The following SDK1 variants were observed in gnomAD, a reference collection of about 807,000 sequenced individuals.
The protein encoded by SDK1 is sidekick cell adhesion molecule 1.
SDK1 carries 157 observed loss-of-function variants against 245.5 expected under a neutral mutation model. That is an observed-to-expected ratio of 0.64 (90% confidence interval 0.56 to 0.73). The LOEUF is 0.73. Among genes scored for constraint, SDK1 ranks in the 30% least tolerant of loss-of-function variants. The pLI is 0.00. For missense variants in SDK1, 3,583 were observed against 3,002.3 expected (o/e 1.19, Z -4.52); for synonymous variants, 1,647 against 1,278.5 (o/e 1.29, Z -6.15).
Position 4,237,655 on chromosome 7 carries a change from G to A in SDK1, c.6001G>A (p.Glu2001Lys). Residue 2001 changes from glutamate (E) to lysine (K), a missense_variant, in exon 42 of 45, where the codon GAA (glutamate) becomes AAA (lysine). Coordinates refer to ENST00000404826, the MANE Select transcript of SDK1 (RefSeq NM_152744.4). Reference protein sequence around the residue: ...NPSTAVSAQVEAPFYEEWWFL... With the variant: ...NPSTAVSAQVKAPFYEEWWFL... ...CCGTGTCTTTTCCACAGCTCAAGTG[G>A]AAGCCCCATTCTACGAGGAGTGGTG... The A allele has an allele frequency of 6.2e-7, 1 of 1,614,166 alleles. No individual in the cohort carries two copies.
rs78883746 is a variant in SDK1 at position 3,789,691 on chromosome 7, G to T, written c.714-31759G>T. ...TCTCTTCCTCCTGAAACCCCATGAAGATGATAGAAAGACAAGAAGATCAAG... is the reference window on the plus strand; with the variant it reads ...TCTCTTCCTCCTGAAACCCCATGAATATGATAGAAAGACAAGAAGATCAAG... On this transcript the variant is annotated intron_variant, in intron 4 of 44. Transcript: ENST00000404826. 3.0e-3 allele frequency among the ~76,000 whole-genome samples: 454 copies of T among 152,274 alleles called. 3 individuals are homozygous for T. Among genetic ancestry groups the T allele is most frequent in the African/African-American group, 0.01 (433 of 41,552 alleles).
intron 4 of SDK1, among the ~76,000 whole-genome samples, chr7:3,650,485 C>T (rs1377131848): frequency 3.3e-5 from 5 of 152,098 alleles, no homozygotes; most frequent in Admixed American, 1.3e-4. Flanking sequence ...TTTAATTAAA[C>T]GTAGTATCTG....
chr7:3,796,512 GCC>G (rs1778964155), intron 4 of SDK1, among the ~76,000 whole-genome samples: 1 of 151,756 alleles, frequency 6.6e-6, no homozygotes, highest in African/African-American at 2.4e-5. Flanking sequence ...CATCAGTAAT[GCC>G]CCTCTCCCCC....
At chr7:3,460,964 C>G (rs1780815105) in intron 1 of SDK1, among the ~76,000 whole-genome samples, 1 of 152,126 alleles carries the variant, frequency 6.6e-6, no homozygotes, top group Non-Finnish European at 1.5e-5. Context: ...CATGAACATT[C>G]AAGAATAAAT....
rs535801308 is a variant in SDK1, at chr7:4,061,661, T to A, written c.2912-6177T>A. On this transcript the variant is annotated intron_variant, in intron 19 of 44. Transcript: ENST00000404826. ...ATACCCAAATGACTATAAATCATGC[T>A]GCTATAAAGACATATGCACACGTAT... Among the ~76,000 whole-genome samples, 15 of 152,274 alleles carry A rather than the reference T, an allele frequency of 9.9e-5. 1 individual carries two copies. The highest frequency in any genetic ancestry group is 1.3e-4 in the Admixed American group (2 of 15,292).
intron 1 of SDK1, among the ~76,000 whole-genome samples, chr7:3,453,824 G>C (rs1287287599): frequency 2.6e-5 from 4 of 151,972 alleles, no homozygotes; most frequent in Non-Finnish European, 5.9e-5. Flanking sequence ...GGACTCAAAT[G>C]ATCTCCTGGA....
chr7:4,247,563 AGAGGCTCATCT>A (rs1371517813), intron 44 of SDK1, among the ~76,000 whole-genome samples: 1 of 152,242 alleles, frequency 6.6e-6, no homozygotes, highest in Non-Finnish European at 1.5e-5. Flanking sequence ...TGGTCAGCAA[AGAGGCTCATCT>A]CACAGCGCCG....
At chr7:3,798,363 G>A (rs371517473) in intron 4 of SDK1, among the ~76,000 whole-genome samples, 30 of 151,712 alleles carry the variant, frequency 2.0e-4, no homozygotes, top group African/African-American at 5.6e-4. Flanking sequence ...GACTACAGGC[G>A]CCCGCCACCA....
chr7:4,179,852 T>C lies in SDK1; in HGVS notation c.5098+1266T>C, dbSNP rs1178174463. ...GTGACTGGGCCCCAGTTGGCCCCCATGGCTGGGGGTGGGTCAGCCTGTGGC... is the reference window on the plus strand; with the variant it reads ...GTGACTGGGCCCCAGTTGGCCCCCACGGCTGGGGGTGGGTCAGCCTGTGGC... On this transcript the variant is annotated intron_variant, in intron 35 of 44. Coordinates refer to ENST00000404826, the MANE Select transcript of SDK1 (RefSeq NM_152744.4). 2.0e-5 allele frequency among the ~76,000 whole-genome samples: 3 copies of C among 151,858 alleles called. No homozygotes were observed. In the East Asian group the frequency reaches 5.9e-4, roughly 30 times the overall value.
intron 8 of SDK1, among the ~76,000 whole-genome samples, chr7:3,960,138 G>A (rs1053937582): frequency 6.6e-6 from 1 of 152,222 alleles, no homozygotes; most frequent in African/African-American, 2.4e-5. Flanking sequence ...TCCTAAAAGA[G>A]AGATGATTTT....
intron 1 of SDK1, among the ~76,000 whole-genome samples, chr7:3,502,388 T>A (rs2128608598): frequency 6.6e-6 from 1 of 152,268 alleles, no homozygotes; most frequent in Middle Eastern, 3.4e-3. Flanking sequence ...TAGGTGGGAT[T>A]ACAGGTGCCT....
At position 3,580,978 on chromosome 7, in the gene SDK1, A is replaced by AC. The variant is rs1562578255; in HGVS notation, c.299-38102_299-38101insC. ...GGCAAGACTCCATCTCAAAAAAAAA[A>AC]AAAAAAAAAAAAAAAACCAAAACAA... On this transcript the variant is annotated intron_variant, in intron 1 of 44. Transcript: ENST00000404826. Among the ~76,000 whole-genome samples, 34 of 138,540 alleles carry AC rather than the reference A, an allele frequency of 2.5e-4. 1 individual carries two copies. Among genetic ancestry groups the AC allele is most frequent in the African/African-American group, 6.5e-4 (24 of 37,068 alleles). The allele number at this position is 138,540 out of a possible 152,430, so 90.9% of individuals were successfully genotyped here. A position where few individuals can be genotyped will look rare whatever the true frequency, so the allele number is the denominator to read the frequency against.
At chr7:4,206,125 G>A in intron 36 of SDK1, 131 bp downstream of exon 36, 1 of 638,262 alleles carries the variant, frequency 1.6e-6, no homozygotes. Context: ...CCAAGCGTCG[G>A]AGCTTGGCTA....
chr7:3,807,941 C>T (rs1254516745), intron 4 of SDK1, among the ~76,000 whole-genome samples: 1 of 152,130 alleles, frequency 6.6e-6, no homozygotes, highest in Non-Finnish European at 1.5e-5. Flanking sequence ...AATTCTCCTG[C>T]CAACACTAAG....
At chr7:3,928,909 C>G (rs149887448) in intron 5 of SDK1, among the ~76,000 whole-genome samples, 2 of 152,204 alleles carry the variant, frequency 1.3e-5, no homozygotes, top group Non-Finnish European at 1.5e-5. Context: ...AAACCCCACG[C>G]GTGCATTCTG....
chr7:3,309,421 A>G (rs986846181), intron 1 of SDK1, among the ~76,000 whole-genome samples: 4 of 151,520 alleles, frequency 2.6e-5, no homozygotes, highest in African/African-American at 9.7e-5. Flanking sequence ...ATGCTTAGGT[A>G]ACATGTACAA....
intron 5 of SDK1, among the ~76,000 whole-genome samples, chr7:3,828,777 G>C (rs1022168532): frequency 1.3e-5 from 2 of 148,796 alleles, no homozygotes; most frequent in African/African-American, 4.9e-5. Flanking sequence ...TCAGCCTTTT[G>C]AGTAGCTGGG....
intron 5 of SDK1, among the ~76,000 whole-genome samples, chr7:3,891,334 C>T (rs559468171): frequency 1.3e-5 from 2 of 152,146 alleles, no homozygotes; most frequent in Admixed American, 6.5e-5. Context: ...CAGGTGCACT[C>T]TTCTGTCATC....
chr7:3,361,127 T>A (rs948287252), intron 1 of SDK1, among the ~76,000 whole-genome samples: 3 of 152,202 alleles, frequency 2.0e-5, no homozygotes, highest in Admixed American at 6.5e-5. Context: ...GAAAAAAATC[T>A]GCAATTGATA....
Sources: gnomAD v4.1 joint callset for allele counts (sites outside exome capture counted in the v4.1 genomes callset) on GRCh38, gnomAD v4.1.1 for gene constraint, MANE v1.5 for transcripts, NCBI Gene and HGNC (gene_info 2026-07-23, HGNC 2026-07-21) for gene names.